Variants in CDH18 observed in about 807,000 individuals in gnomAD.
CDH18 encodes cadherin 18, also known as cadherin-18.
A neutral mutation model predicts 67.9 loss-of-function variants in CDH18; 31 were observed. The ratio of observed to expected loss-of-function variants is 0.46; its 90% confidence interval spans 0.34 to 0.62. The LOEUF (loss-of-function observed/expected upper bound fraction) is 0.62, where lower values mean the gene tolerates loss of function less well. Among genes scored for constraint, CDH18 ranks in the 20% least tolerant of loss-of-function variants. The probability of loss-of-function intolerance (pLI) is 0.01; values close to 1 mark genes in which losing one functional copy is unlikely to be tolerated. For synonymous variants in CDH18, 362 were observed against 347.2 expected, an observed-to-expected ratio of 1.04 and a Z score of -0.48; for missense variants, 890 against 975.5, an observed-to-expected ratio of 0.91 and a Z score of 1.17.
At chr5:20,419,894 AT>A (rs1747720150) in intron 1 of CDH18, among the ~76,000 whole-genome samples, 1 of 151,088 alleles carries the variant, frequency 6.6e-6, no homozygotes, top group African/African-American at 2.5e-5. Context: ...TCCTTTACTT[AT>A]ATATTAATTG....
intron 2 of CDH18, among the ~76,000 whole-genome samples, chr5:19,972,595 G>T (rs1380163366): frequency 6.6e-6 from 1 of 151,832 alleles, no homozygotes; most frequent in African/African-American, 2.4e-5. Context: ...ATAATACAAT[G>T]AGATACCACT....
chr5:20,238,819 A>G (rs1742667525), intron 2 of CDH18, among the ~76,000 whole-genome samples: 1 of 152,178 alleles, frequency 6.6e-6, no homozygotes. Context: ...AAACAAACAA[A>G]AAACTATGCT....
chr5:19,479,789 G>A (rs913888922), intron 12 of CDH18, among the ~76,000 whole-genome samples: 1 of 151,954 alleles, frequency 6.6e-6, no homozygotes, highest in Non-Finnish European at 1.5e-5. Flanking sequence ...GTCAGATCAC[G>A]GCTCAAATAT....
Position 20,328,508 on chromosome 5 carries a change from TGA to T in CDH18, c.-579-73005_-579-73004del, listed in dbSNP as rs1186669088. Reference sequence around the variant, plus strand: ...GTGTGTGTGTGTGTGTGTGTGTGTGTGAGAGAGAGAGAGAGAGAGAGATTATA... The same window carrying T: ...GTGTGTGTGTGTGTGTGTGTGTGTGTGAGAGAGAGAGAGAGAGAGATTATA... On this transcript the variant is annotated intron_variant, in intron 1 of 14. Coordinates refer to the CDH18 transcript ENST00000507958. Among the ~76,000 whole-genome samples the T allele has an allele frequency of 7.9e-4, 88 of 112,098 alleles. No homozygotes were observed. In the Middle Eastern group the frequency reaches 0.014, roughly 18 times the overall value. 73.5% of individuals were successfully genotyped at this position (112,098 alleles called of 152,430 possible). A position where few individuals can be genotyped will look rare whatever the true frequency, so the allele number is the denominator to read the frequency against.
At chr5:20,491,378 A>C (rs1753573588) in intron 1 of CDH18, among the ~76,000 whole-genome samples, 1 of 152,164 alleles carries the variant, frequency 6.6e-6, no homozygotes, top group Non-Finnish European at 1.5e-5. Flanking sequence ...ATTTTTAAAG[A>C]GGGGAAATAT....
At chr5:19,917,443 A>T (rs537035550) in intron 2 of CDH18, among the ~76,000 whole-genome samples, 1 of 151,984 alleles carries the variant, frequency 6.6e-6, no homozygotes, top group East Asian at 1.9e-4. Flanking sequence ...ACTTTTAGCA[A>T]CTAGGTATGT....
At chr5:20,470,575 C>G (rs1251164727) in intron 1 of CDH18, among the ~76,000 whole-genome samples, 1 of 152,070 alleles carries the variant, frequency 6.6e-6, no homozygotes, top group Non-Finnish European at 1.5e-5. Context: ...GCCCCGTTAC[C>G]TGCCCTCACA....
intron 3 of CDH18, among the ~76,000 whole-genome samples, chr5:19,805,367 G>A (rs1270093629): frequency 6.6e-6 from 1 of 152,026 alleles, no homozygotes; most frequent in Non-Finnish European, 1.5e-5. Flanking sequence ...TACGCCCTCT[G>A]CAGAATTTTA....
intron 2 of CDH18, among the ~76,000 whole-genome samples, chr5:20,158,010 A>G (rs1751687079): frequency 6.6e-6 from 1 of 152,098 alleles, no homozygotes; most frequent in African/African-American, 2.4e-5. Context: ...CTCTACTTCC[A>G]TGTAATCAAA....
intron 2 of CDH18, among the ~76,000 whole-genome samples, chr5:19,840,951 T>C (rs1333371937): frequency 1.3e-5 from 2 of 151,934 alleles, no homozygotes; most frequent in African/African-American, 4.8e-5. Context: ...AATAACAAAT[T>C]GACATGACAG....
At chr5:19,982,080 T>C (rs1478612429) in intron 1 of CDH18, among the ~76,000 whole-genome samples, 4 of 152,232 alleles carry the variant, frequency 2.6e-5, no homozygotes, top group Admixed American at 2.6e-4. Context: ...AATTGGATTT[T>C]ATTTTTGCTT....
chr5:19,740,232 G>A (rs1463371248), intron 4 of CDH18, among the ~76,000 whole-genome samples: 2 of 151,672 alleles, frequency 1.3e-5, no homozygotes, highest in Non-Finnish European at 2.9e-5. Flanking sequence ...TTTAATGATA[G>A]GTATACTAAT....
At chr5:20,135,967 T>A (rs1325603159) in intron 2 of CDH18, among the ~76,000 whole-genome samples, 1 of 152,226 alleles carries the variant, frequency 6.6e-6, no homozygotes, top group Non-Finnish European at 1.5e-5. Context: ...CAGTTTGTTA[T>A]AGTTTCTCTT....
chr5:19,865,182 G>A (rs1379710851), intron 2 of CDH18, among the ~76,000 whole-genome samples: 1 of 152,084 alleles, frequency 6.6e-6, no homozygotes, highest in African/African-American at 2.4e-5. Flanking sequence ...CACACTTGCT[G>A]TGGGAACTCT....
At chr5:20,375,409 T>C (rs928711233) in intron 1 of CDH18, among the ~76,000 whole-genome samples, 1 of 152,256 alleles carries the variant, frequency 6.6e-6, no homozygotes, top group East Asian at 1.9e-4. Flanking sequence ...AGTTAAAAGA[T>C]TTCCATGCAT....
intron 2 of CDH18, among the ~76,000 whole-genome samples, chr5:19,969,247 G>C (rs1454468817): frequency 7.0e-6 from 1 of 142,436 alleles, no homozygotes; most frequent in African/African-American, 3.0e-5. Flanking sequence ...CTGTTGGTGG[G>C]ACTGTAAACG....
chr5:20,189,038 C>A (rs1738327967), intron 2 of CDH18, among the ~76,000 whole-genome samples: 1 of 152,084 alleles, frequency 6.6e-6, no homozygotes, highest in African/African-American at 2.4e-5. Flanking sequence ...GGCAATCCCC[C>A]AGATTAATAT....
intron 5 of CDH18, among the ~76,000 whole-genome samples, chr5:19,620,126 T>A (rs1431751754): frequency 6.6e-6 from 1 of 152,230 alleles, no homozygotes; most frequent in African/African-American, 2.4e-5. Flanking sequence ...GACATTTTTA[T>A]GCTTTAGTAG....
At chr5:19,921,125 T>C (rs559337963) in intron 2 of CDH18, among the ~76,000 whole-genome samples, 4 of 152,086 alleles carry the variant, frequency 2.6e-5, no homozygotes, top group African/African-American at 7.2e-5. Flanking sequence ...GAGGAAACAA[T>C]AGAACAAACT....
Sources: gnomAD v4.1 joint callset for allele counts (sites outside exome capture counted in the v4.1 genomes callset) on GRCh38, gnomAD v4.1.1 for gene constraint, MANE v1.5 for transcripts, NCBI Gene and HGNC (gene_info 2026-07-23, HGNC 2026-07-21) for gene names.